The following NDFIP2 variants were observed in gnomAD, a reference collection of about 807,000 sequenced individuals.
NDFIP2 encodes Nedd4 family interacting protein 2, also known as NEDD4 family-interacting protein 2.
NDFIP2 carries 19 observed loss-of-function variants against 36.0 expected under a neutral mutation model. That is an observed-to-expected ratio of 0.53 (90% CI 0.37 to 0.77). The LOEUF (loss-of-function observed/expected upper bound fraction) is 0.77, where lower values mean the gene tolerates loss of function less well. Ranked by LOEUF, NDFIP2 falls within the 30% of genes least tolerant of loss-of-function variation. The probability of loss-of-function intolerance (pLI) is 0.00; values close to 1 mark genes in which losing one functional copy is unlikely to be tolerated. For missense variants in NDFIP2, 446 were observed against 435.8 expected (o/e 1.02, Z -0.21); for synonymous variants, 181 against 167.7 (o/e 1.08, Z -0.61).
chr13:79,485,228 C>T (rs1872921363), intron 1 of NDFIP2, among the ~76,000 whole-genome samples: 1 of 151,968 alleles, frequency 6.6e-6, no homozygotes, highest in Admixed American at 6.6e-5. Context: ...TTAAAGCAAG[C>T]AGCAAATATC....
rs1439511177 is a variant in NDFIP2 at position 79,555,251 on chromosome 13, G to A, written c.*2738G>A. 1 of 147,098 alleles carries A rather than the reference G, an allele frequency of 6.8e-6. No homozygotes were observed. The highest frequency in any genetic ancestry group is 2.5e-5 in the African/African-American group (1 of 39,642). 9.1% of individuals were successfully genotyped at this position (147,098 alleles called of 1,614,324 possible). On this transcript the variant is annotated 3_prime_UTR_variant, in exon 8 of 8. Transcript: ENST00000218652. ...AAATATAATTTTTTTCATCTAGTAT[G>A]TACTATTTCAAGAAGTGCAAAAAGT...
At position 79,481,363 on chromosome 13, in the gene NDFIP2, C is replaced by T. The variant is rs1281656617; in HGVS notation, c.160C>T (p.Arg54Cys). ...AAGTGAAGAGCTTCCGCCGGGAGACCGCGGCTGCAGGAACGGAGGCGGAAG... is the reference window on the plus strand; with the variant it reads ...AAGTGAAGAGCTTCCGCCGGGAGACTGCGGCTGCAGGAACGGAGGCGGAAG... ...TGSEELPPGD[R>C]GCRNGGGRGP... The change falls in exon 1 of 8, where the codon CGC becomes TGC. Residue 54 changes from arginine (R) to cysteine (C), a missense_variant. This residue lies in a region of NDFIP2 where 369 missense variants were observed against 304.8 expected (regional missense o/e 1.21). Transcript: ENST00000218652. 1.3e-6 allele frequency: 2 copies of T among 1,552,178 alleles called. No homozygotes were observed. The highest frequency in any genetic ancestry group is 1.7e-6 in the Non-Finnish European group (2 of 1,148,320).
At chr13:79,490,456 G>T (rs1225609045) in intron 1 of NDFIP2, among the ~76,000 whole-genome samples, 4 of 152,122 alleles carry the variant, frequency 2.6e-5, no homozygotes, top group Admixed American at 1.3e-4. Context: ...TGGTGGTGAT[G>T]TAGACCAGGG....
intron 3 of NDFIP2, among the ~76,000 whole-genome samples, chr13:79,539,331 A>G (rs1875370140): frequency 6.6e-6 from 1 of 152,138 alleles, no homozygotes. Flanking sequence ...CCAACAATAT[A>G]AGTTGTACCA....
chr13:79,521,201 TG>T (rs1300877582), intron 2 of NDFIP2, among the ~76,000 whole-genome samples: 1 of 152,088 alleles, frequency 6.6e-6, no homozygotes. Context: ...AACAAGATGA[TG>T]GTGAGTGTGA....
At chr13:79,502,189 G>A (rs1873693694) in intron 1 of NDFIP2, among the ~76,000 whole-genome samples, 1 of 152,010 alleles carries the variant, frequency 6.6e-6, no homozygotes, top group South Asian at 2.1e-4. Flanking sequence ...CATAGGTGGT[G>A]GATCTATATC....
intron 1 of NDFIP2, among the ~76,000 whole-genome samples, chr13:79,501,817 T>C (rs1453526680): frequency 6.6e-6 from 1 of 152,108 alleles, no homozygotes; most frequent in African/African-American, 2.4e-5. Flanking sequence ...TCTCTGAGTT[T>C]GTTGAGGGAA....
intron 1 of NDFIP2, among the ~76,000 whole-genome samples, chr13:79,488,189 A>G (rs769221306): frequency 6.6e-6 from 1 of 152,194 alleles, no homozygotes; most frequent in Non-Finnish European, 1.5e-5. Flanking sequence ...TATACTAAGT[A>G]GTACACCAAG....
rs187232069 is a variant in NDFIP2 at position 79,524,110 on chromosome 13, G to A, written c.487+3135G>A. 4.4e-3 allele frequency among the ~76,000 whole-genome samples: 672 copies of A among 152,250 alleles called. 4 individuals are homozygous for A. Among genetic ancestry groups the A allele is most frequent in the Middle Eastern group, 0.024 (7 of 294 alleles). On this transcript the variant is annotated intron_variant, in intron 2 of 7. Transcript: ENST00000218652. ...TGGTAATGGCCACGTTACTGATTCT[G>A]CTTCATTTTCTTCTTCATCTTCCTC...
At chr13:79,507,652 G>C (rs1594846258) in intron 1 of NDFIP2, among the ~76,000 whole-genome samples, 1 of 151,684 alleles carries the variant, frequency 6.6e-6, no homozygotes, top group African/African-American at 2.4e-5. Context: ...TGTGTATTCT[G>C]TCTTCTTTCA....
In NDFIP2 at chr13:79,545,103, T is replaced by A. The variant is rs565766257; in HGVS notation, c.840+1421T>A. Among the ~76,000 whole-genome samples the A allele has an allele frequency of 2.0e-5, 3 of 152,284 alleles. No homozygotes were observed. In the South Asian group the frequency reaches 6.2e-4, roughly 32 times the overall value. The stretch of plus-strand genomic sequence containing the variant: ...AAAAAACCTCAAAGTTGGGCCTAGA[T>A]AAGTCCAATGTTGATTATGATACTA... On this transcript the variant is annotated intron_variant, in intron 5 of 7. Transcript: ENST00000218652.
chr13:79,536,986 A>T (rs1875266027), intron 3 of NDFIP2, among the ~76,000 whole-genome samples: 1 of 151,818 alleles, frequency 6.6e-6, no homozygotes, highest in Non-Finnish European at 1.5e-5. Flanking sequence ...CCGGATGAAG[A>T]CTGCAGTGAG....
chr13:79,518,016 A>G (rs766922456), intron 1 of NDFIP2, among the ~76,000 whole-genome samples: 1 of 117,436 alleles, frequency 8.5e-6, no homozygotes, highest in Non-Finnish European at 1.7e-5. Context: ...GATATTAACA[A>G]GTAGACATCT....
intron 2 of NDFIP2, among the ~76,000 whole-genome samples, chr13:79,521,815 T>C (rs1384081633): frequency 6.6e-6 from 1 of 151,098 alleles, no homozygotes. Context: ...TATTTGGTTT[T>C]CGTTTTGCTT....
chr13:79,532,912 T>C (rs900021900), intron 2 of NDFIP2, among the ~76,000 whole-genome samples: 1 of 152,222 alleles, frequency 6.6e-6, no homozygotes, highest in Non-Finnish European at 1.5e-5. Flanking sequence ...GTTAGTATTA[T>C]GTAAATGTTT....
intron 3 of NDFIP2, among the ~76,000 whole-genome samples, chr13:79,535,075 A>G (rs1432240549): frequency 4.6e-5 from 7 of 152,136 alleles, no homozygotes; most frequent in African/African-American, 7.2e-5. Context: ...TTTGAGGGGA[A>G]CATCACAGAG....
chr13:79,510,796 C>T lies in NDFIP2; in HGVS notation c.322-10014C>T, dbSNP rs529143279. Among the ~76,000 whole-genome samples, 9 of 151,932 alleles carry T rather than the reference C, an allele frequency of 5.9e-5. No homozygotes were observed. In the East Asian group the frequency reaches 1.5e-3, roughly 26 times the overall value. On this transcript the variant is annotated intron_variant, in intron 1 of 7. Coordinates refer to ENST00000218652, the MANE Select transcript of NDFIP2 (RefSeq NM_019080.3). ...GGCGGATCACCTGAAGTCAGGAGTT[C>T]GAGACCAGCCTGGCCAACATAGTGA...
intron 1 of NDFIP2, among the ~76,000 whole-genome samples, chr13:79,493,305 A>G (rs1873315248): frequency 6.6e-6 from 1 of 152,204 alleles, no homozygotes; most frequent in South Asian, 2.1e-4. Flanking sequence ...CTGTGCTATA[A>G]AAGTAATAAT....
chr13:79,502,832 A>C (rs1027864715), intron 1 of NDFIP2, among the ~76,000 whole-genome samples: 2 of 151,776 alleles, frequency 1.3e-5, no homozygotes, highest in African/African-American at 4.8e-5. Flanking sequence ...GAAAGAAGGG[A>C]GCTATGGAAA....
Sources: allele counts gnomAD v4.1 joint callset (sites outside exome capture counted in the v4.1 genomes callset), GRCh38; gene constraint gnomAD v4.1.1; regional missense constraint gnomAD v4.1.1; transcripts MANE v1.5; gene names NCBI Gene and HGNC (gene_info 2026-07-23, HGNC 2026-07-21).